Variants in TSHR observed in about 807,000 individuals in gnomAD.
TSHR encodes the protein thyrotropin receptor.
A neutral mutation model predicts 64.1 loss-of-function variants in TSHR; 51 were observed. That is an observed-to-expected ratio of 0.80 (90% CI 0.64 to 1.01). The LOEUF is 1.01. TSHR is among the 50% of genes least tolerant of loss of function. The pLI, the probability that TSHR is intolerant of heterozygous loss-of-function variation, is 0.00. For synonymous variants in TSHR, 361 were observed against 361.9 expected (o/e 1.00, Z 0.03); for missense variants, 877 against 942.8 (o/e 0.93, Z 0.91).
At chr14:81,050,950 T>A (rs1467739387) in intron 1 of TSHR, 1 of 152,214 alleles carries the variant, frequency 6.6e-6, no homozygotes. Flanking sequence ...AAAATTATGT[T>A]TACACTACAT....
chr14:81,057,894 G>C, intron 1 of TSHR, among the ~76,000 whole-genome samples: 1 of 152,206 alleles, frequency 6.6e-6, no homozygotes, highest in Admixed American at 6.5e-5. Context: ...TGAGAAATGT[G>C]TTAGAACCCA....
At chr14:81,000,751 A>G (rs1889266414) in intron 1 of TSHR, among the ~76,000 whole-genome samples, 1 of 151,680 alleles carries the variant, frequency 6.6e-6, no homozygotes, top group Non-Finnish European at 1.5e-5. Flanking sequence ...GCACTCTCCA[A>G]TGCTTTAACA....
intron 1 of TSHR, chr14:81,003,535 C>T (rs1218706194): frequency 9.0e-6 from 2 of 223,168 alleles, no homozygotes; most frequent in Non-Finnish European, 1.9e-5. Context: ...TATGCACACC[C>T]TTGATGGCCT....
chr14:81,127,349 A>G (rs1486422789), intron 8 of TSHR, among the ~76,000 whole-genome samples: 1 of 152,170 alleles, frequency 6.6e-6, no homozygotes, highest in Admixed American at 6.5e-5. Context: ...AAAGAAATAA[A>G]CACTTAAAAA....
intron 1 of TSHR, among the ~76,000 whole-genome samples, chr14:80,965,004 T>C (rs949211374): frequency 6.6e-6 from 1 of 152,168 alleles, no homozygotes; most frequent in African/African-American, 2.4e-5. Context: ...GACGAAACTG[T>C]TTTAAAGAAA....
intron 3 of TSHR, among the ~76,000 whole-genome samples, chr14:81,077,046 C>T (rs558760587): frequency 1.3e-4 from 20 of 151,948 alleles, no homozygotes; most frequent in Non-Finnish European, 2.9e-4. Context: ...TCTCTCTTTG[C>T]CTAGTTAACT....
intron 1 of TSHR, chr14:81,014,419 A>G (rs1890072726): frequency 6.6e-6 from 1 of 152,224 alleles, no homozygotes; most frequent in African/African-American, 2.4e-5. Context: ...GGGATATAAA[A>G]GAAAATGAAT....
intron 1 of TSHR, among the ~76,000 whole-genome samples, chr14:81,061,290 C>G (rs986682505): frequency 6.6e-6 from 1 of 152,062 alleles, no homozygotes; most frequent in Non-Finnish European, 1.5e-5. Context: ...AAAGTACATG[C>G]TATAAATTCA....
intron 7 of TSHR, among the ~76,000 whole-genome samples, chr14:81,105,799 C>T (rs921895714): frequency 2.0e-5 from 3 of 152,140 alleles, no homozygotes; most frequent in East Asian, 1.9e-4. Flanking sequence ...ATGAGTTCAC[C>T]GGCTCTTACT....
At chr14:81,116,731 T>G (rs1410233547) in intron 8 of TSHR, among the ~76,000 whole-genome samples, 2 of 148,672 alleles carry the variant, frequency 1.3e-5, no homozygotes, top group Non-Finnish European at 2.9e-5. Context: ...AATATACATT[T>G]TTTTTCAGCA....
intron 8 of TSHR, among the ~76,000 whole-genome samples, chr14:81,113,417 T>G (rs574638074): frequency 6.6e-6 from 1 of 152,150 alleles, no homozygotes; most frequent in African/African-American, 2.4e-5. Context: ...CAGTGATATA[T>G]GTGGGTTCAA....
chr14:81,093,056 T>C (rs1888881505), intron 6 of TSHR, among the ~76,000 whole-genome samples: 1 of 152,214 alleles, frequency 6.6e-6, no homozygotes, highest in African/African-American at 2.4e-5. Context: ...GTCCCCATTC[T>C]ACAGAAGAAG....
At position 81,139,572 on chromosome 14, in the gene TSHR, C is replaced by T. The variant is rs1169420088; in HGVS notation, c.693-107C>T. ...TTATGTACTCAGTAGAAGAAAGGAGCATATCATCTCCCAATTAACCTCAGG... is the reference window on the plus strand; with the variant it reads ...TTATGTACTCAGTAGAAGAAAGGAGTATATCATCTCCCAATTAACCTCAGG... On this transcript the variant is annotated intron_variant, in intron 8 of 9. Transcript: ENST00000298171. 1.1e-5 allele frequency: 12 copies of T among 1,111,082 alleles called. No individual in the cohort carries two copies. The Admixed American group carries it at 2.0e-4, about 18-fold the overall frequency. 68.8% of individuals were successfully genotyped at this position (1,111,082 alleles called of 1,614,324 possible). A position where few individuals can be genotyped will look rare whatever the true frequency, so the allele number is the denominator to read the frequency against.
intron 3 of TSHR, among the ~76,000 whole-genome samples, chr14:81,077,398 G>A (rs1566797427): frequency 6.6e-6 from 1 of 152,200 alleles, no homozygotes. Context: ...TTTAGTATAT[G>A]TGTGTACACA....
intron 1 of TSHR, among the ~76,000 whole-genome samples, chr14:81,022,450 T>C (rs1052485268): frequency 6.6e-6 from 1 of 152,210 alleles, no homozygotes; most frequent in African/African-American, 2.4e-5. Flanking sequence ...GACTGAGTGC[T>C]ATGATTTGAA....
chr14:81,073,696 T>G (rs540775132), intron 3 of TSHR, among the ~76,000 whole-genome samples: 15 of 152,266 alleles, frequency 9.9e-5, no homozygotes, highest in African/African-American at 2.6e-4. Context: ...GAAGAAAACA[T>G]ATAGCCTTAA....
At chr14:80,960,716 C>T (rs759538469) in intron 1 of TSHR, among the ~76,000 whole-genome samples, 4 of 152,076 alleles carry the variant, frequency 2.6e-5, no homozygotes, top group Non-Finnish European at 4.4e-5. Flanking sequence ...TAACAGAAAA[C>T]CAACTCTGTT....
chr14:81,110,000 GA>G (rs1890155847), intron 8 of TSHR, among the ~76,000 whole-genome samples: 1 of 152,160 alleles, frequency 6.6e-6, no homozygotes, highest in Non-Finnish European at 1.5e-5. Flanking sequence ...CAAGTAATAA[GA>G]AAAGTCATTG....
chr14:80,993,864 G>A (rs968933841), intron 1 of TSHR: 5 of 151,502 alleles, frequency 3.3e-5, no homozygotes, highest in Admixed American at 6.6e-5. Flanking sequence ...AAGGTTAAGC[G>A]ATGTTCTACC....
Sources: allele counts gnomAD v4.1 joint callset (sites outside exome capture counted in the v4.1 genomes callset), GRCh38; gene constraint gnomAD v4.1.1; transcripts MANE v1.5; gene names NCBI Gene and HGNC (gene_info 2026-07-23, HGNC 2026-07-21).